PHACTR2: variants seen among roughly 807,000 people sequenced by gnomAD.
The protein encoded by PHACTR2 is phosphatase and actin regulator 2, also known as chromosome 6 open reading frame 56.
In PHACTR2, 30 loss-of-function variants were observed where a neutral mutation model predicts 76.0. The ratio of observed to expected loss-of-function variants is 0.39; its 90% confidence interval spans 0.30 to 0.54. The LOEUF (loss-of-function observed/expected upper bound fraction) is 0.54, where lower values mean the gene tolerates loss of function less well. PHACTR2 is among the 20% of genes least tolerant of loss of function. The probability of loss-of-function intolerance (pLI) is 0.61; values close to 1 mark genes in which losing one functional copy is unlikely to be tolerated. For missense variants in PHACTR2, 696 were observed against 781.1 expected (o/e 0.89, Z 1.30); for synonymous variants, 292 against 292.5 (o/e 1.00, Z 0.02).
intron 12 of PHACTR2, among the ~76,000 whole-genome samples, chr6:143,817,503 A>G (rs1430380209): frequency 6.6e-6 from 1 of 152,126 alleles, no homozygotes; most frequent in Non-Finnish European, 1.5e-5. Flanking sequence ...AGTTTGGGGT[A>G]TCACTGGATG....
In PHACTR2 at chr6:143,775,267, G is replaced by C. The variant is rs1293850385; in HGVS notation, c.1589+1052G>C. 1.3e-5 allele frequency among the ~76,000 whole-genome samples: 2 copies of C among 152,208 alleles called. No homozygotes were observed. Among genetic ancestry groups the C allele is most frequent in the African/African-American group, 4.8e-5 (2 of 41,444 alleles). ...ACCAGGGAACCTCGGGGGAGGCTTA[G>C]AGGGTCTCTCTGTTCTGTAAACCCT... On this transcript the variant is annotated intron_variant, in intron 8 of 12. Transcript: ENST00000440869. The surrounding 1 kb of genome is among the most constrained non-coding windows in gnomAD (Gnocchi z 4.4).
In PHACTR2 at chr6:143,658,386, G is replaced by C. The variant is rs932095327; in HGVS notation, c.13+50064G>C. The stretch of plus-strand genomic sequence containing the variant: ...GTTCTCCTGTGCAGTATTTGAAAAC[G>C]AATTACAGCACTCAGTCTCTTTTTC... On this transcript the variant is annotated intron_variant, in intron 1 of 11. Transcript: ENST00000305766. The surrounding 1 kb of genome is among the most constrained non-coding windows in gnomAD (Gnocchi z 4.1). 6.6e-6 allele frequency among the ~76,000 whole-genome samples: 1 copy of C among 152,124 alleles called. No homozygotes were observed. The highest frequency in any genetic ancestry group is 1.5e-5 in the Non-Finnish European group (1 of 68,020).
intron 1 of PHACTR2, among the ~76,000 whole-genome samples, chr6:143,613,461 TTTACTC>T (rs1451070645): frequency 2.0e-5 from 3 of 152,226 alleles, no homozygotes; most frequent in African/African-American, 4.8e-5. Context: ...TCTTCCTAGT[TTTACTC>T]TAATAGTGTA....
rs1276578165 is a variant in PHACTR2 at position 143,608,363 on chromosome 6, C to A, written c.13+41C>A. The A allele has an allele frequency of 1.5e-5, 24 of 1,606,412 alleles. No individual in the cohort carries two copies. Among genetic ancestry groups the A allele is most frequent in the Non-Finnish European group, 1.9e-5 (22 of 1,173,280 alleles). ...ATGAATTCTTCATAGCTGCTGGCTTCCTTTGCAGCCCGCATCCTTTACTGC... is the reference window on the plus strand; with the variant it reads ...ATGAATTCTTCATAGCTGCTGGCTTACTTTGCAGCCCGCATCCTTTACTGC... On this transcript the variant is annotated intron_variant, in intron 1 of 11. Coordinates refer to the PHACTR2 transcript ENST00000305766. The surrounding 1 kb of genome is among the most constrained non-coding windows in gnomAD (Gnocchi z 4.6).
intron 1 of PHACTR2, among the ~76,000 whole-genome samples, chr6:143,682,156 G>A (rs1777405840): frequency 6.6e-6 from 1 of 152,206 alleles, no homozygotes; most frequent in African/African-American, 2.4e-5. Context: ...ATCAATTTGG[G>A]TAGTACTGCT....
At chr6:143,603,958 G>A (rs1188657432), upstream of PHACTR2, among the ~76,000 whole-genome samples, 1 of 151,912 alleles carries the variant, frequency 6.6e-6, no homozygotes, top group Non-Finnish European at 1.5e-5. Flanking sequence ...AGTTACCTGG[G>A]CATGGTGACA....
Position 143,633,255 on chromosome 6 carries a change from G to A in PHACTR2, c.13+24933G>A, listed in dbSNP as rs539812954. Among the ~76,000 whole-genome samples the A allele has an allele frequency of 5.4e-4, 82 of 152,312 alleles. No individual in the cohort carries two copies. Among genetic ancestry groups the A allele is most frequent in the African/African-American group, 1.8e-3 (76 of 41,572 alleles). On this transcript the variant is annotated intron_variant, in intron 1 of 11. Transcript: ENST00000305766. This position sits in a 1 kb window ranked among gnomAD's most constrained non-coding sequence, Gnocchi z 4.1. ...AGAATGAGAGTTCCTGTTGCTCCAC[G>A]TCTCTACCAGGATTTGGTGTTGTCA... is the stretch of plus-strand genomic sequence containing the variant.
In PHACTR2 at chr6:143,579,971, G is replaced by C. The variant is rs561334995; in HGVS notation, c.217+42764G>C. Among the ~76,000 whole-genome samples the C allele has an allele frequency of 1.5e-4, 23 of 152,284 alleles. No individual in the cohort carries two copies. The South Asian group carries it at 4.8e-3, about 32-fold the overall frequency. On this transcript the variant is annotated intron_variant, in intron 1 of 11. Transcript: ENST00000367584. ...AGTTGTTGGCAGGGTTCTGTTTTCT[G>C]TGAGCTGTGGGACTGGGGACCTTAG...
At chr6:143,701,158 T>C (rs1582786822) in intron 1 of PHACTR2, among the ~76,000 whole-genome samples, 1 of 152,208 alleles carries the variant, frequency 6.6e-6, no homozygotes, top group African/African-American at 2.4e-5. Flanking sequence ...TGAATCAGGA[T>C]GTCATGCAGC....
At chr6:143,636,214 GA>G (rs397950323) in intron 1 of PHACTR2, among the ~76,000 whole-genome samples, 2,451 of 140,358 alleles carry the variant, frequency 0.017, 32 homozygotes, top group Middle Eastern at 0.037. Context: ...ACCTGTCTCA[GA>G]AAAAAAAAAA....
chr6:143,655,112 G>A (rs537819787), intron 1 of PHACTR2, among the ~76,000 whole-genome samples: 45 of 147,192 alleles, frequency 3.1e-4, no homozygotes, highest in African/African-American at 1.0e-3. Flanking sequence ...AGCCGAGATC[G>A]TGCCACTGCA....
At position 143,696,144 on chromosome 6, in the gene PHACTR2, T is replaced by G. The variant is rs1355516514; in HGVS notation, c.47-15872T>G. Among the ~76,000 whole-genome samples the G allele has an allele frequency of 6.6e-6, 1 of 152,248 alleles. No homozygotes were observed. Among genetic ancestry groups the G allele is most frequent in the African/African-American group, 2.4e-5 (1 of 41,472 alleles). ...ACTCTTAGCTCCTCTCTCATTCTTG[T>G]ATATGATGTCAACCTTCTTGCTTAG... On this transcript the variant is annotated intron_variant, in intron 1 of 12. Transcript: ENST00000440869. The surrounding 1 kb of genome is among the most constrained non-coding windows in gnomAD (Gnocchi z 4.1).
intron 1 of PHACTR2, among the ~76,000 whole-genome samples, chr6:143,614,114 T>C (rs769899470): frequency 7.9e-5 from 12 of 152,104 alleles, no homozygotes; most frequent in Non-Finnish European, 1.6e-4. Flanking sequence ...TCCAGCTACT[T>C]GGATGCCTGA....
At chr6:143,544,604 G>A (rs79237988) in intron 1 of PHACTR2, among the ~76,000 whole-genome samples, 1,709 of 152,334 alleles carry the variant, frequency 0.011, 14 homozygotes, top group Middle Eastern at 0.027. Context: ...TTAAAGTACT[G>A]TGTAAGTGGT....
chr6:143,750,922 C>T lies in PHACTR2; in HGVS notation c.295+1857C>T, dbSNP rs1779169835. 6.6e-6 allele frequency among the ~76,000 whole-genome samples: 1 copy of T among 152,128 alleles called. No homozygotes were observed. The highest frequency in any genetic ancestry group is 2.4e-5 in the African/African-American group (1 of 41,400). ...GCTTTTCCATGGTCCCTATCTAGAA[C>T]CGTAGAAATTATCTAATGGTTGAAG... On this transcript the variant is annotated intron_variant, in intron 3 of 12. Transcript: ENST00000440869. The surrounding 1 kb of genome is among the most constrained non-coding windows in gnomAD (Gnocchi z 4.6).
At chr6:143,817,463 G>C (rs115874324) in intron 12 of PHACTR2, among the ~76,000 whole-genome samples, 1 of 152,160 alleles carries the variant, frequency 6.6e-6, no homozygotes, top group Non-Finnish European at 1.5e-5. Context: ...CAATGCTGGT[G>C]TGCCCTGCTC....
chr6:143,678,053 G>A lies in PHACTR2; in HGVS notation c.-111G>A. 1.3e-5 allele frequency: 20 copies of A among 1,526,648 alleles called. No individual in the cohort carries two copies. The highest frequency in any genetic ancestry group is 2.0e-5 in the Admixed American group (1 of 49,792). 94.6% of individuals were successfully genotyped at this position (1,526,648 alleles called of 1,614,324 possible). ...AGAAGGTGAGGGGACCCGGCGGGCCGCTCGGCACAGGCCGGGACATGAACG... is the reference window on the plus strand; with the variant it reads ...AGAAGGTGAGGGGACCCGGCGGGCCACTCGGCACAGGCCGGGACATGAACG... On this transcript the variant is annotated 5_prime_UTR_variant, in exon 1 of 13. Transcript: ENST00000440869. The surrounding 1 kb of genome is among the most constrained non-coding windows in gnomAD (Gnocchi z 6.2).
At chr6:143,613,883 G>C (rs1171769203) in intron 1 of PHACTR2, among the ~76,000 whole-genome samples, 1 of 152,110 alleles carries the variant, frequency 6.6e-6, no homozygotes, top group East Asian at 1.9e-4. Context: ...GCAATTTTAA[G>C]AATTGTTGAG....
chr6:143,574,936 C>T (rs1164187392), intron 1 of PHACTR2, among the ~76,000 whole-genome samples: 1 of 152,192 alleles, frequency 6.6e-6, no homozygotes, highest in Admixed American at 6.5e-5. Context: ...CGTTAATAGA[C>T]TTGTGAAATT....
Sources: allele counts gnomAD v4.1 joint callset (sites outside exome capture counted in the v4.1 genomes callset), GRCh38; gene constraint gnomAD v4.1.1; non-coding constraint Gnocchi (gnomAD v3.1); transcripts MANE v1.5; gene names NCBI Gene and HGNC (gene_info 2026-07-23, HGNC 2026-07-21).